DSE: variants seen among roughly 807,000 people sequenced by gnomAD.
DSE encodes dermatan-sulfate epimerase.
In DSE, 36 loss-of-function variants were observed where a neutral mutation model predicts 84.4. That is an observed-to-expected ratio of 0.43 (90% CI 0.33 to 0.56). DSE has a LOEUF of 0.56. Ranked by LOEUF, DSE falls within the 20% of genes least tolerant of loss-of-function variation. The pLI, the probability that DSE is intolerant of heterozygous loss-of-function variation, is 0.06. For synonymous variants in DSE, 410 were observed against 430.1 expected, an observed-to-expected ratio of 0.95 and a Z score of 0.58; for missense variants, 862 against 1,169.6, an observed-to-expected ratio of 0.74 and a Z score of 3.84.
intron 2 of DSE, among the ~76,000 whole-genome samples, chr6:116,356,035 T>A (rs1473060112): frequency 6.6e-6 from 1 of 152,166 alleles, no homozygotes; most frequent in Non-Finnish European, 1.5e-5. Context: ...CTTCCCTTAT[T>A]CAACCCACCC....
Position 116,279,551 on chromosome 6 carries a change from T to C in DSE, c.-54+20584T>C, listed in dbSNP as rs567626744. 299 of 1,604,052 alleles carry C rather than the reference T, an allele frequency of 1.9e-4. 3 individuals carry two copies. The South Asian group carries it at 3.1e-3, about 17-fold the overall frequency. ...TGGCCCTCTTCCTGCCCGGCTTTGA[T>C]CGCCACATGACCGCGACCCCCAACA... On this transcript the variant is annotated intron_variant, in intron 2 of 3. Transcript: ENST00000430252.
intron 2 of DSE, among the ~76,000 whole-genome samples, chr6:116,276,304 TA>T (rs1773140560): frequency 6.6e-6 from 1 of 152,142 alleles, no homozygotes; most frequent in Non-Finnish European, 1.5e-5. Context: ...TACAAGTTAA[TA>T]AAAAGAAGAG....
At chr6:116,427,541 T>A (rs1783523144) in intron 3 of DSE, among the ~76,000 whole-genome samples, 1 of 152,246 alleles carries the variant, frequency 6.6e-6, no homozygotes, top group Non-Finnish European at 1.5e-5. Context: ...TTATTAAGCA[T>A]TTTGTTGATT....
chr6:116,310,395 A>G (rs997876206), intron 2 of DSE, among the ~76,000 whole-genome samples: 2 of 151,006 alleles, frequency 1.3e-5, no homozygotes, highest in Admixed American at 1.3e-4. Flanking sequence ...GTTGCTGGTG[A>G]TATCTTCTGC....
intron 2 of DSE, among the ~76,000 whole-genome samples, chr6:116,348,444 A>C (rs1245442706): frequency 2.0e-5 from 3 of 151,178 alleles, no homozygotes; most frequent in Admixed American, 6.6e-5. Flanking sequence ...ACAAAAAAAA[A>C]CAAAAAAAAA....
chr6:116,371,239 C>A, intron 1 of DSE, 118 bp downstream of exon 1: 1 of 979,000 alleles, frequency 1.0e-6, no homozygotes, highest in African/African-American at 1.7e-5. Context: ...AGAGCCACGT[C>A]CCCGGCTGAG....
At chr6:116,348,892 A>G (rs1431880115) in intron 2 of DSE, among the ~76,000 whole-genome samples, 2 of 151,156 alleles carry the variant, frequency 1.3e-5, no homozygotes, top group African/African-American at 2.4e-5. Flanking sequence ...ACCAAACACC[A>G]CATGTTCTCA....
upstream of DSE, among the ~76,000 whole-genome samples, chr6:116,365,546 C>T (rs1180518704): frequency 3.3e-5 from 5 of 152,324 alleles, no homozygotes; most frequent in African/African-American, 9.6e-5. Flanking sequence ...AGCCACCGCA[C>T]GTGGCCGGAA....
upstream of DSE, among the ~76,000 whole-genome samples, chr6:116,368,319 C>G (rs1779282036): frequency 6.6e-6 from 1 of 152,166 alleles, no homozygotes; most frequent in South Asian, 2.1e-4. Flanking sequence ...GCATTCAAAT[C>G]CAGTGTCGGT....
At chr6:116,309,068 A>G (rs1775511696) in intron 2 of DSE, among the ~76,000 whole-genome samples, 1 of 152,170 alleles carries the variant, frequency 6.6e-6, no homozygotes, top group Admixed American at 6.6e-5. Flanking sequence ...TACTTTTACT[A>G]AAAGTTTTTA....
intron 2 of DSE, among the ~76,000 whole-genome samples, chr6:116,332,519 A>T (rs938700041): frequency 3.3e-5 from 5 of 152,184 alleles, no homozygotes; most frequent in Admixed American, 1.3e-4. Flanking sequence ...GAGTTGCTCT[A>T]CTGGATATTA....
chr6:116,372,264 C>A (rs1779640504), intron 1 of DSE, among the ~76,000 whole-genome samples: 1 of 152,096 alleles, frequency 6.6e-6, no homozygotes, highest in Admixed American at 6.5e-5. Flanking sequence ...GTCAGGAGAT[C>A]GAGACCATCC....
At position 116,437,214 on chromosome 6, in the gene DSE, T is replaced by C; in HGVS notation, c.2746T>C (p.Leu916=). Residue 916 remains leucine, a synonymous_variant, in exon 6 of 6, where the codon TTG becomes CTG. Coordinates refer to ENST00000644252, the MANE Select transcript of DSE (RefSeq NM_013352.4). ...GAACATTGCTATTTTCTTTGTCATG[T>C]TGGCAATGCAACTGACTTATTTCCA... ...ILNIAIFFVM[L]AMQLTYFQRA... is the part of the protein sequence containing the mutation. 1.2e-6 allele frequency: 2 copies of C among 1,614,154 alleles called. No homozygotes were observed. Among genetic ancestry groups the C allele is most frequent in the Non-Finnish European group, 1.7e-6 (2 of 1,180,010 alleles).
chr6:116,396,287 G>C (rs1296677939), intron 1 of DSE, among the ~76,000 whole-genome samples: 1 of 152,164 alleles, frequency 6.6e-6, no homozygotes, highest in Non-Finnish European at 1.5e-5. Context: ...GTGTGATATA[G>C]GTATGTGCCA....
chr6:116,276,092 C>T (rs562701012), intron 2 of DSE, among the ~76,000 whole-genome samples: 5 of 152,110 alleles, frequency 3.3e-5, no homozygotes, highest in African/African-American at 4.8e-5. Flanking sequence ...GAGGTCCCTC[C>T]AAAGTACACT....
upstream of DSE, chr6:116,367,089 A>G (rs1049086526): frequency 6.6e-6 from 1 of 152,266 alleles, no homozygotes; most frequent in Admixed American, 6.5e-5. Context: ...GGAGAAGATC[A>G]TGTCAGCGCT....
chr6:116,352,679 A>G (rs1199444584), intron 2 of DSE, among the ~76,000 whole-genome samples: 1 of 150,492 alleles, frequency 6.6e-6, no homozygotes, highest in Non-Finnish European at 1.5e-5. Context: ...GTGTTGAAGG[A>G]GTAAGATGGC....
chr6:116,269,177 T>G (rs1772767077), intron 2 of DSE, among the ~76,000 whole-genome samples: 1 of 152,186 alleles, frequency 6.6e-6, no homozygotes, highest in South Asian at 2.1e-4. Flanking sequence ...AAGTCCCAGT[T>G]CTGTTACTTA....
At chr6:116,266,534 GTAAT>G (rs1226195482) in intron 2 of DSE, among the ~76,000 whole-genome samples, 1 of 152,150 alleles carries the variant, frequency 6.6e-6, no homozygotes, top group Non-Finnish European at 1.5e-5. Flanking sequence ...ATTTTGAATA[GTAAT>G]TAAGATTACT....
Sources: gnomAD v4.1 joint callset for allele counts (sites outside exome capture counted in the v4.1 genomes callset) on GRCh38, gnomAD v4.1.1 for gene constraint, MANE v1.5 for transcripts, NCBI Gene and HGNC (gene_info 2026-07-23, HGNC 2026-07-21) for gene names.